CA1: variants seen among roughly 807,000 people sequenced by gnomAD.
The protein encoded by CA1 is carbonic anhydrase 1, also known as carbonate dehydratase I.
In CA1, 27 loss-of-function variants were observed where a neutral mutation model predicts 28.8. The ratio of observed to expected loss-of-function variants is 0.94; its 90% CI spans 0.69 to 1.29. The LOEUF (loss-of-function observed/expected upper bound fraction) is 1.29, where lower values mean the gene tolerates loss of function less well. Ranked by LOEUF, CA1 falls within the 50% of genes most tolerant of loss-of-function variation. The probability of loss-of-function intolerance (pLI) is 0.00; values close to 1 mark genes in which losing one functional copy is unlikely to be tolerated. For synonymous variants in CA1, 121 were observed against 108.8 expected (o/e 1.11, Z -0.70); for missense variants, 335 against 310.5 (o/e 1.08, Z -0.59).
At chr8:85,370,208 TTTATATG>T (rs1650659500) in intron 1 of CA1, among the ~76,000 whole-genome samples, 1 of 152,198 alleles carries the variant, frequency 6.6e-6, no homozygotes, top group Admixed American at 6.5e-5. Context: ...CTTCTTGTAT[TTTATATG>T]TTTATTTGTA....
intron 1 of CA1, among the ~76,000 whole-genome samples, chr8:85,344,196 TATA>T (rs1809049629): frequency 9.1e-6 from 1 of 109,762 alleles, no homozygotes; most frequent in African/African-American, 5.4e-5. Flanking sequence ...AATTATATAT[TATA>T]CAGTATATAA....
chr8:85,354,119 A>G (rs970987484), intron 1 of CA1, among the ~76,000 whole-genome samples: 7 of 148,162 alleles, frequency 4.7e-5, no homozygotes, highest in Admixed American at 4.0e-4. Flanking sequence ...CTGTGCCACC[A>G]CACCCAGCTA....
intron 7 of CA1, 39 bp from the exon 8 acceptor site, chr8:85,328,715 A>G: frequency 7.7e-7 from 1 of 1,292,446 alleles, no homozygotes; most frequent in Non-Finnish European, 1.1e-6. Flanking sequence ...AAAGTTTTTA[A>G]AGTTACATAA....
intron 1 of CA1, among the ~76,000 whole-genome samples, chr8:85,374,538 A>ACGT (rs1810340575): frequency 6.6e-6 from 1 of 152,210 alleles, no homozygotes. Flanking sequence ...ATGTGGTTTT[A>ACGT]ATCGTACGTA....
intron 1 of CA1, chr8:85,349,689 G>A (rs1471371741): frequency 6.6e-6 from 1 of 152,160 alleles, no homozygotes; most frequent in Non-Finnish European, 1.5e-5. Context: ...CATCCCTACT[G>A]AGGCTCTTTC....
At chr8:85,375,529 AAGATT>A (rs1218649303) in intron 1 of CA1, among the ~76,000 whole-genome samples, 4 of 152,174 alleles carry the variant, frequency 2.6e-5, no homozygotes, top group Admixed American at 2.6e-4. Context: ...AAAAAAAAAA[AAGATT>A]AGAACAAATA....
intron 1 of CA1, among the ~76,000 whole-genome samples, chr8:85,357,982 T>G (rs1485481249): frequency 6.6e-6 from 1 of 152,198 alleles, no homozygotes; most frequent in Non-Finnish European, 1.5e-5. Flanking sequence ...TTTTTGAATG[T>G]CAACTAAGCA....
chr8:85,352,789 G>A (rs572515345), intron 1 of CA1, among the ~76,000 whole-genome samples: 6 of 151,744 alleles, frequency 4.0e-5, no homozygotes, highest in Non-Finnish European at 5.9e-5. Flanking sequence ...GCCTCAGCCT[G>A]CAAGTAGCTG....
chr8:85,372,236 C>G (rs1810255981), intron 1 of CA1, among the ~76,000 whole-genome samples: 1 of 151,980 alleles, frequency 6.6e-6, no homozygotes, highest in Non-Finnish European at 1.5e-5. Flanking sequence ...GGGAGGCCCT[C>G]TTTAAAAAAG....
rs1275249068 is a variant in CA1, at chr8:85,354,100, A to G, written c.-24-12441T>C. On this transcript the variant is annotated intron_variant, in intron 1 of 7. Transcript: ENST00000523022. The stretch of plus-strand genomic sequence containing the variant: ...CAGCTCAGCCTCCCGAGTAGCTGGG[A>G]TTACAGGCCTGTGCCACCACACCCA... Among the ~76,000 whole-genome samples, 3 of 150,520 alleles carry G rather than the reference A, an allele frequency of 2.0e-5. No homozygotes were observed. The East Asian group carries it at 5.8e-4, about 29-fold the overall frequency.
At chr8:85,344,265 TAATATATAATTATATATTATATACA>T (rs1809072916) in intron 1 of CA1, among the ~76,000 whole-genome samples, 1 of 68,832 alleles carries the variant, frequency 1.5e-5, no homozygotes, top group Non-Finnish European at 3.0e-5. Context: ...ATACAGTATA[TAATATATAATTATATATTATATACA>T]GTATATAATA....
intron 1 of CA1, among the ~76,000 whole-genome samples, chr8:85,358,770 G>C (rs972639395): frequency 1.3e-5 from 2 of 152,196 alleles, no homozygotes; most frequent in East Asian, 1.9e-4. Context: ...ACACAGATGA[G>C]CCATGTGAGA....
chr8:85,363,916 A>G (rs1809904672), intron 1 of CA1, among the ~76,000 whole-genome samples: 2 of 152,192 alleles, frequency 1.3e-5, no homozygotes, highest in South Asian at 2.1e-4. Flanking sequence ...TTTTATTTCA[A>G]TAGTTTCCTT....
chr8:85,369,750 C>T (rs996879798), intron 1 of CA1, among the ~76,000 whole-genome samples: 4 of 151,842 alleles, frequency 2.6e-5, no homozygotes, highest in African/African-American at 9.7e-5. Flanking sequence ...GAATGGGAAC[C>T]CTGGCACTAT....
At chr8:85,361,467 G>A (rs1496527) in intron 1 of CA1, among the ~76,000 whole-genome samples, 123,029 of 152,132 alleles carry the variant, frequency 0.81, 50,607 homozygotes, top group African/African-American at 0.95. Flanking sequence ...GCTTGATGCC[G>A]GAAGTTTGAG....
At chr8:85,374,544 A>G (rs569145564) in intron 1 of CA1, among the ~76,000 whole-genome samples, 32 of 152,336 alleles carry the variant, frequency 2.1e-4, no homozygotes, top group African/African-American at 7.7e-4. Context: ...TTTTAATCGT[A>G]CGTAAGACAT....
At position 85,328,392 on chromosome 8, in the gene CA1, A is replaced by T; in HGVS notation, c.*168T>A. On this transcript the variant is annotated 3_prime_UTR_variant, in exon 8 of 8. Coordinates refer to ENST00000523022, the MANE Select transcript of CA1 (RefSeq NM_001128831.4). ...TAGCTTACTAATTATTATTTGAATT[A>T]AGCAGTAAGAACTAAAATTTAAGTT... 1 of 502,116 alleles carries T rather than the reference A, an allele frequency of 2.0e-6. No individual in the cohort carries two copies. 31.1% of individuals were successfully genotyped at this position (502,116 alleles called of 1,614,324 possible).
rs144746190 is a variant in CA1, at chr8:85,333,615, G to A, written c.360C>T (p.His120=). The change falls in exon 5 of 8, where the codon CAC becomes CAT. Residue 120 remains histidine, a synonymous_variant. Coordinates refer to ENST00000523022, the MANE Select transcript of CA1 (RefSeq NM_001128831.4). The part of the protein sequence containing the change: ...VDGVKYSAEL[H]VAHWNSAKYS... ...ACTTTGCAGAATTCCAGTGAGCTAC[G>A]TGAAGCTAAAAATGATACTATGGTT... is the stretch of plus-strand genomic sequence containing the variant. 691 of 1,601,026 alleles carry A rather than the reference G, an allele frequency of 4.3e-4. 6 individuals carry two copies. In the African/African-American group the frequency reaches 8.0e-3, roughly 19 times the overall value.
intron 1 of CA1, among the ~76,000 whole-genome samples, chr8:85,354,935 T>A (rs1809548806): frequency 6.6e-6 from 1 of 152,176 alleles, no homozygotes; most frequent in Non-Finnish European, 1.5e-5. Flanking sequence ...GCAACTCAGC[T>A]TTCTGGACCT....
Sources: allele counts gnomAD v4.1 joint callset (sites outside exome capture counted in the v4.1 genomes callset), GRCh38; gene constraint gnomAD v4.1.1; transcripts MANE v1.5; gene names NCBI Gene and HGNC (gene_info 2026-07-23, HGNC 2026-07-21).